The following VMP1 variants were observed in gnomAD, a reference collection of about 807,000 sequenced individuals.
The protein encoded by VMP1 is ectopic P-granules autophagy protein 3 homolog.
Under a neutral mutation model 56.0 loss-of-function variants are expected in VMP1, and 11 were observed. The ratio of observed to expected loss-of-function variants is 0.20; its 90% CI spans 0.12 to 0.32. The LOEUF (loss-of-function observed/expected upper bound fraction) is 0.32, where lower values mean the gene tolerates loss of function less well. Ranked by LOEUF, VMP1 falls within the 10% of genes least tolerant of loss-of-function variation. The pLI is 1.00. For missense variants in VMP1, 296 were observed against 490.3 expected, an observed-to-expected ratio of 0.60 and a Z score of 3.74; for synonymous variants, 149 against 165.0, an observed-to-expected ratio of 0.90 and a Z score of 0.74.
At chr17:59,754,762 T>G (rs2035774751) in intron 5 of VMP1, among the ~76,000 whole-genome samples, 1 of 152,176 alleles carries the variant, frequency 6.6e-6, no homozygotes, top group Non-Finnish European at 1.5e-5. Context: ...CCCTAAGGAA[T>G]GACTCATATA....
At chr17:59,790,700 A>G (rs895505976) in intron 7 of VMP1, among the ~76,000 whole-genome samples, 3 of 152,176 alleles carry the variant, frequency 2.0e-5, no homozygotes, top group Non-Finnish European at 2.9e-5. Context: ...CTGAGGCAGG[A>G]GAATCACTTG....
Position 59,809,304 on chromosome 17 carries a change from C to CT in VMP1, c.795+456dup, listed in dbSNP as rs57274450. On this transcript the variant is annotated intron_variant, in intron 8 of 11. Coordinates refer to ENST00000262291, the MANE Select transcript of VMP1 (RefSeq NM_030938.5). ...GAGCCACTACACCTGGCCCATTCAA[C>CT]TTTTTTTTTTTTTTTTTTTTTTTTT... Among the ~76,000 whole-genome samples, 62 of 33,450 alleles carry CT rather than the reference C, an allele frequency of 1.9e-3. 12 individuals are homozygous for CT. The highest frequency in any genetic ancestry group is 5.9e-3 in the East Asian group (5 of 854). The allele number at this position is 33,450 out of a possible 152,430, so 21.9% of individuals were successfully genotyped here.
intron 7 of VMP1, among the ~76,000 whole-genome samples, chr17:59,801,061 C>T (rs1388507853): frequency 7.8e-6 from 1 of 128,790 alleles, no homozygotes; most frequent in Middle Eastern, 4.9e-3. Context: ...TCCTGGGCGA[C>T]AGAGCAAGAC....
chr17:59,724,839 G>A (rs1186212878), intron 1 of VMP1, among the ~76,000 whole-genome samples: 3 of 151,014 alleles, frequency 2.0e-5, no homozygotes, highest in Non-Finnish European at 3.0e-5. Flanking sequence ...GGTGGCGGGC[G>A]CCTGTAGTCC....
At chr17:59,801,089 A>AAG (rs1360294206) in intron 7 of VMP1, among the ~76,000 whole-genome samples, 2 of 114,456 alleles carry the variant, frequency 1.7e-5, no homozygotes, top group Non-Finnish European at 3.4e-5. Context: ...CGAAAAAAAA[A>AAG]AAATATATAT....
chr17:59,730,012 T>C (rs2034764920), intron 1 of VMP1: 1 of 152,088 alleles, frequency 6.6e-6, no homozygotes, highest in Non-Finnish European at 1.5e-5. Flanking sequence ...ATAACCATCC[T>C]AACAGGTATG....
chr17:59,748,195 C>CAAAAAAAAAAAA (rs36016640), intron 5 of VMP1, among the ~76,000 whole-genome samples: 1 of 103,148 alleles, frequency 9.7e-6, no homozygotes, highest in East Asian at 2.9e-4. Context: ...GACTCCGTCT[C>CAAAAAAAAAAAA]AAAAAAAAAA....
chr17:59,758,632 C>T (rs946232775), intron 5 of VMP1, among the ~76,000 whole-genome samples: 1 of 151,638 alleles, frequency 6.6e-6, no homozygotes, highest in African/African-American at 2.4e-5. Flanking sequence ...TGAGACTAGC[C>T]TGGGCAACAT....
At position 59,839,897 on chromosome 17, in the gene VMP1, G is replaced by A; in HGVS notation, c.1207G>A (p.Glu403Lys). ...AATCCAGCAGCGGTTGAACTCAGAG[G>A]AGAAAACTAAATAAGTAGAGAAAGT... Reference protein sequence around the residue: ...KRIQQRLNSEEKTK With the variant: ...KRIQQRLNSEKKTK Residue 403 changes from glutamate (E) to lysine (K), a missense_variant, in exon 12 of 12, where the codon GAG (glutamate) becomes AAG (lysine). By Grantham distance (56) the Glu-to-Lys change is moderately conservative. Coordinates refer to ENST00000262291, the MANE Select transcript of VMP1 (RefSeq NM_030938.5). The A allele has an allele frequency of 6.2e-7, 1 of 1,611,116 alleles. No individual in the cohort carries two copies. The highest frequency in any genetic ancestry group is 8.5e-7 in the Non-Finnish European group (1 of 1,179,474).
At chr17:59,710,147 A>C (rs1407491757) in intron 1 of VMP1, among the ~76,000 whole-genome samples, 1 of 152,110 alleles carries the variant, frequency 6.6e-6, no homozygotes, top group Non-Finnish European at 1.5e-5. Flanking sequence ...CAGTGAGCCG[A>C]GATTGCGCCA....
intron 7 of VMP1, among the ~76,000 whole-genome samples, chr17:59,802,425 CA>C (rs1210322145): frequency 1.3e-5 from 2 of 151,846 alleles, no homozygotes; most frequent in Non-Finnish European, 2.9e-5. Context: ...AATCGCCTAA[CA>C]ACTCATTTCT....
intron 1 of VMP1, among the ~76,000 whole-genome samples, chr17:59,709,582 A>G (rs2033826868): frequency 6.6e-6 from 1 of 152,244 alleles, no homozygotes; most frequent in Non-Finnish European, 1.5e-5. Context: ...AACTGGAGAT[A>G]TGTCAGTGTA....
chr17:59,826,923 T>G (rs971637860), intron 10 of VMP1, among the ~76,000 whole-genome samples: 1 of 152,196 alleles, frequency 6.6e-6, no homozygotes, highest in African/African-American at 2.4e-5. Context: ...TGTGTGAATT[T>G]GGTAGGGATG....
At chr17:59,776,076 G>C (rs1267633805) in intron 7 of VMP1, among the ~76,000 whole-genome samples, 1 of 152,046 alleles carries the variant, frequency 6.6e-6, no homozygotes, top group Non-Finnish European at 1.5e-5. Flanking sequence ...GCTGTATAGG[G>C]TGGTGCATTC....
At chr17:59,829,912 T>C (rs2038757806) in intron 10 of VMP1, among the ~76,000 whole-genome samples, 1 of 152,214 alleles carries the variant, frequency 6.6e-6, no homozygotes, top group Non-Finnish European at 1.5e-5. Flanking sequence ...ATTTTCTATA[T>C]AGGAGTCTAC....
intron 10 of VMP1, among the ~76,000 whole-genome samples, chr17:59,824,405 CT>C (rs1310867578): frequency 6.7e-6 from 1 of 149,708 alleles, no homozygotes; most frequent in African/African-American, 2.5e-5. Context: ...AACCTCATCT[CT>C]ACTAAAAATA....
intron 7 of VMP1, among the ~76,000 whole-genome samples, chr17:59,797,798 G>A (rs1244832416): frequency 6.6e-6 from 1 of 152,252 alleles, no homozygotes; most frequent in East Asian, 1.9e-4. Flanking sequence ...AGAATCACTT[G>A]AACCCGGGAG....
intron 7 of VMP1, among the ~76,000 whole-genome samples, chr17:59,784,142 T>TGTGA (rs556387089): frequency 0.057 from 7,443 of 130,238 alleles, 298 homozygotes; most frequent in East Asian, 0.17. Flanking sequence ...TGTGTGTGTG[T>TGTGA]GAGAGAGAGA....
rs115737965 is a variant in VMP1 at position 59,829,577 on chromosome 17, G to A, written c.975-8718G>A. Among the ~76,000 whole-genome samples, 668 of 152,224 alleles carry A rather than the reference G, an allele frequency of 4.4e-3. 9 individuals are homozygous for A. The highest frequency in any genetic ancestry group is 0.015 in the African/African-American group (641 of 41,536). On this transcript the variant is annotated intron_variant, in intron 10 of 11. Coordinates refer to ENST00000262291, the MANE Select transcript of VMP1 (RefSeq NM_030938.5). ...ATGACAACTCATTAAAATACTAGCC[G>A]TTAAGCCTGTTTAGATCACTGCCTA...
Sources: allele counts gnomAD v4.1 joint callset (sites outside exome capture counted in the v4.1 genomes callset), GRCh38; gene constraint gnomAD v4.1.1; transcripts MANE v1.5; gene names NCBI Gene and HGNC (gene_info 2026-07-23, HGNC 2026-07-21).